The following NLRP2 variants were observed in gnomAD, a reference collection of about 807,000 sequenced individuals.
NLRP2 encodes NACHT, LRR and PYD domains-containing protein 2.
Under a neutral mutation model 97.2 loss-of-function variants are expected in NLRP2, and 107 were observed. The ratio of observed to expected loss-of-function variants is 1.10; its 90% CI spans 0.94 to 1.29. The LOEUF (loss-of-function observed/expected upper bound fraction) is 1.29, where lower values mean the gene tolerates loss of function less well. Ranked by LOEUF, NLRP2 falls within the 50% of genes most tolerant of loss-of-function variation. NLRP2 has a pLI of 0.00. For missense variants in NLRP2, 1,495 were observed against 1,330.3 expected (o/e 1.12, Z -1.93); for synonymous variants, 663 against 551.5 (o/e 1.20, Z -2.83).
intron 10 of NLRP2, 43 bp from the exon 11 acceptor site, chr19:54,994,226 C>T (rs1405785807): frequency 6.2e-7 from 1 of 1,608,586 alleles, no homozygotes; most frequent in Non-Finnish European, 8.5e-7. Context: ...GCAGTGAGAA[C>T]TCACAGGTTC....
rs371774202 is a variant in NLRP2, at chr19:54,982,325, G to C, written c.627G>C (p.Val209=). Residue 209 remains valine (V), a synonymous_variant, in exon 6 of 13, where the codon GTG becomes GTC. Coordinates refer to ENST00000448584, the MANE Select transcript of NLRP2 (RefSeq NM_017852.5). ...TTCCCGGGCCCTTCTCATACACGGT[G>C]GTGCTGTATGGTCCTGCAGGCCTTG... ...RVLPGPFSYT[V]VLYGPAGLGK... The C allele has an allele frequency of 7.7e-5, 124 of 1,613,952 alleles. No individual in the cohort carries two copies. Among genetic ancestry groups the C allele is most frequent in the Middle Eastern group, 3.3e-4 (2 of 6,074 alleles).
intron 12 of NLRP2, among the ~76,000 whole-genome samples, chr19:54,999,098 A>G (rs563557848): frequency 7.0e-6 from 1 of 142,542 alleles, no homozygotes; most frequent in South Asian, 2.2e-4. Flanking sequence ...GGCCGGGCAG[A>G]GGCGCCCCTC....
intron 11 of NLRP2, among the ~76,000 whole-genome samples, chr19:54,995,849 C>G (rs1478133611): frequency 6.6e-6 from 1 of 151,770 alleles, no homozygotes; most frequent in African/African-American, 2.4e-5. Context: ...TAAAAACAGC[C>G]TGGCCAACAC....
chr19:54,970,629 C>T (rs1298196330), intron 2 of NLRP2, among the ~76,000 whole-genome samples: 1 of 151,486 alleles, frequency 6.6e-6, no homozygotes, highest in Non-Finnish European at 1.5e-5. Context: ...GCACCCCAGC[C>T]TGGGCAACAA....
intron 4 of NLRP2, among the ~76,000 whole-genome samples, chr19:54,978,488 C>G (rs149748638): frequency 1.4e-3 from 214 of 152,122 alleles, no homozygotes; most frequent in African/African-American, 4.9e-3. Flanking sequence ...TCTGCTCCAC[C>G]CACCCCCAAG....
chr19:54,999,702 G>A (rs1195052853), intron 12 of NLRP2, among the ~76,000 whole-genome samples: 2 of 152,100 alleles, frequency 1.3e-5, no homozygotes, highest in African/African-American at 2.4e-5. Context: ...GGATTAAAAA[G>A]AGAAATGAAA....
chr19:54,988,300 C>CT (rs1426182132), intron 8 of NLRP2, among the ~76,000 whole-genome samples: 2 of 151,956 alleles, frequency 1.3e-5, no homozygotes, highest in African/African-American at 2.4e-5. Flanking sequence ...TAATTTCTTT[C>CT]TTTTTTTCTC....
chr19:54,981,176 A>T (rs148174892), intron 4 of NLRP2, among the ~76,000 whole-genome samples: 116 of 151,972 alleles, frequency 7.6e-4, no homozygotes, highest in African/African-American at 2.7e-3. Context: ...AAGCTTATTT[A>T]TTTATTTTAT....
rs538429317 is a variant in NLRP2 at position 54,980,800 on chromosome 19, G to A, written c.398-817G>A. 9.9e-5 allele frequency among the ~76,000 whole-genome samples: 15 copies of A among 152,274 alleles called. No homozygotes were observed. In the South Asian group the frequency reaches 1.5e-3, roughly 15 times the overall value. On this transcript the variant is annotated intron_variant, in intron 4 of 12. Transcript: ENST00000448584. ...CCAGGAAGGCCAAACATCTTGGGCC[G>A]TATCTCCTGGACCATAAAAGCAGAC...
At chr19:54,987,534 G>A (rs1003400323) in intron 8 of NLRP2, among the ~76,000 whole-genome samples, 1 of 152,188 alleles carries the variant, frequency 6.6e-6, no homozygotes, top group African/African-American at 2.4e-5. Context: ...TTGAGGTCAG[G>A]AGTTCAAGAC....
At position 54,983,083 on chromosome 19, in the gene NLRP2, C is replaced by T. The variant is rs200623569; in HGVS notation, c.1385C>T (p.Thr462Met). The change falls in exon 6 of 13, where the codon ACG becomes ATG. Residue 462 changes from threonine (T) to methionine (M), a missense_variant. Physicochemically the swap from Thr to Met is moderately conservative, Grantham distance 81. Transcript: ENST00000448584. ...LLAAQGLWAQ[T>M]SVLHREDLER... The stretch of plus-strand genomic sequence containing the variant: ...GCCGCGCAGGGCCTGTGGGCGCAGA[C>T]GTCCGTGCTTCACCGAGAGGATCTG... 6.6e-5 allele frequency: 107 copies of T among 1,612,902 alleles called. No homozygotes were observed. The highest frequency in any genetic ancestry group is 5.0e-4 in the Admixed American group (30 of 59,982).
chr19:54,985,173 G>T lies in NLRP2; in HGVS notation c.2157G>T (p.Leu719=). ...SFLSASLVRI[L]CEQIASDTCH... ...TCAGTGCCTCCCTAGTAAGGATCCT[G>T]TGTGAACAAATAGCCTCTGACACCT... Residue 719 remains leucine (L), a synonymous_variant, in exon 7 of 13, where the codon CTG becomes CTT. Transcript: ENST00000448584. The T allele has an allele frequency of 6.2e-7, 1 of 1,614,088 alleles. No homozygotes were observed. Among genetic ancestry groups the T allele is most frequent in the Non-Finnish European group, 8.5e-7 (1 of 1,180,008 alleles).
intron 7 of NLRP2, 108 bp from the exon 8 acceptor site, chr19:54,986,043 A>C (rs2072050784): frequency 1.3e-6 from 1 of 795,880 alleles, no homozygotes. Context: ...AAATTTAAAC[A>C]TGGAAAAAAT....
chr19:54,974,402 A>G, intron 2 of NLRP2, 98 bp from the exon 3 acceptor site: 1 of 881,972 alleles, frequency 1.1e-6, no homozygotes, highest in Non-Finnish European at 1.9e-6. Flanking sequence ...GAAAGGAACA[A>G]GTGATCCAGT....
intron 4 of NLRP2, among the ~76,000 whole-genome samples, chr19:54,980,082 C>G (rs1000682363): frequency 6.6e-6 from 1 of 150,924 alleles, no homozygotes; most frequent in Non-Finnish European, 1.5e-5. Context: ...GCCTAGCACA[C>G]AATCTTGACA....
chr19:54,979,256 A>G (rs778661962), intron 4 of NLRP2, among the ~76,000 whole-genome samples: 3 of 152,080 alleles, frequency 2.0e-5, no homozygotes, highest in African/African-American at 4.8e-5. Flanking sequence ...AAGTGCTGGG[A>G]TTACAGCTGT....
intron 3 of NLRP2, among the ~76,000 whole-genome samples, chr19:54,975,114 T>TTTTTTTTTG (rs2071127933): frequency 6.5e-5 from 1 of 15,310 alleles, no homozygotes; most frequent in Non-Finnish European, 1.0e-4. Context: ...TTGTTTTTTT[T>TTTTTTTTTG]TTTTTTTTTT....
intron 3 of NLRP2, among the ~76,000 whole-genome samples, chr19:54,976,245 G>T (rs989725675): frequency 6.6e-6 from 1 of 151,760 alleles, no homozygotes; most frequent in Non-Finnish European, 1.5e-5. Context: ...AGTAGAGATG[G>T]GGTTTCACCA....
In NLRP2 at chr19:54,984,243, C is replaced by G. The variant is rs1185127169; in HGVS notation, c.2030+515C>G. 2.7e-5 allele frequency among the ~76,000 whole-genome samples: 4 copies of G among 150,468 alleles called. No individual in the cohort carries two copies. In the East Asian group the frequency reaches 5.9e-4, roughly 22 times the overall value. Reference sequence around the variant, plus strand: ...CACTGCATCCTCAAACTTCTGGGTTCAAGTGATGTTCCTGAGTACCTGGGA... The same window carrying G: ...CACTGCATCCTCAAACTTCTGGGTTGAAGTGATGTTCCTGAGTACCTGGGA... On this transcript the variant is annotated intron_variant, in intron 6 of 12. Coordinates refer to ENST00000448584, the MANE Select transcript of NLRP2 (RefSeq NM_017852.5).
Sources: allele counts gnomAD v4.1 joint callset (sites outside exome capture counted in the v4.1 genomes callset), GRCh38; gene constraint gnomAD v4.1.1; transcripts MANE v1.5; gene names NCBI Gene and HGNC (gene_info 2026-07-23, HGNC 2026-07-21).